Variants in C7orf78 observed in about 807,000 individuals in gnomAD.
C7orf78 encodes the protein putative uncharacterized protein C7orf78.
the C7orf78 span, among the ~76,000 whole-genome samples, chr7:12,526,362 C>CA: frequency 6.6e-6 from 1 of 152,106 alleles, no homozygotes; most frequent in Non-Finnish European, 1.5e-5. Flanking sequence ...AACATACACA[C>CA]ATGCATGCTA....
At chr7:12,532,838 G>A in the C7orf78 span, among the ~76,000 whole-genome samples, 1 of 152,160 alleles carries the variant, frequency 6.6e-6, no homozygotes, top group African/African-American at 2.4e-5. Flanking sequence ...CTATGAGGGA[G>A]TACACAGAGT....
chr7:12,486,248 C>A, the C7orf78 span, among the ~76,000 whole-genome samples: 1 of 151,996 alleles, frequency 6.6e-6, no homozygotes, highest in Non-Finnish European at 1.5e-5. Flanking sequence ...GAACTCCATT[C>A]CATCTAGCAT....
chr7:12,508,087 A>T, the C7orf78 span, among the ~76,000 whole-genome samples: 4 of 152,230 alleles, frequency 2.6e-5, no homozygotes, highest in African/African-American at 9.6e-5. Flanking sequence ...TATGACAACT[A>T]TTAAAAGATA....
chr7:12,512,027 G>C, the C7orf78 span, among the ~76,000 whole-genome samples: 51,439 of 147,034 alleles, frequency 0.35, 9,080 homozygotes, highest in South Asian at 0.43. Context: ...CACCCTCCTT[G>C]GCCTCCCAAA....
At chr7:12,520,083 A>C in the C7orf78 span, among the ~76,000 whole-genome samples, 1 of 152,218 alleles carries the variant, frequency 6.6e-6, no homozygotes, top group African/African-American at 2.4e-5. Context: ...GTGAGGATGT[A>C]AGCCAATGAG....
the C7orf78 span, among the ~76,000 whole-genome samples, chr7:12,503,419 CTGATA>C: frequency 6.6e-6 from 1 of 151,728 alleles, no homozygotes; most frequent in African/African-American, 2.4e-5. Context: ...GGGTAACATT[CTGATA>C]TAATTACTGA....
the C7orf78 span, among the ~76,000 whole-genome samples, chr7:12,503,713 A>G: frequency 1.3e-5 from 2 of 151,962 alleles, no homozygotes; most frequent in Non-Finnish European, 2.9e-5. Context: ...CACCCATTAT[A>G]TTTGAAGTTT....
chr7:12,492,656 T>C, the C7orf78 span, among the ~76,000 whole-genome samples: 1 of 152,164 alleles, frequency 6.6e-6, no homozygotes, highest in African/African-American at 2.4e-5. Flanking sequence ...GTTGAGGAGG[T>C]TGCTGACAGC....
At chr7:12,503,175 T>C in the C7orf78 span, among the ~76,000 whole-genome samples, 1 of 135,050 alleles carries the variant, frequency 7.4e-6, no homozygotes, top group Non-Finnish European at 1.6e-5. Context: ...ATGGCACATG[T>C]ATATGTATGT....
the C7orf78 span, among the ~76,000 whole-genome samples, chr7:12,539,879 C>T: frequency 2.0e-5 from 3 of 152,154 alleles, no homozygotes; most frequent in African/African-American, 7.2e-5. Flanking sequence ...GGGCTCCAGG[C>T]TTCTCATTGT....
chr7:12,491,482 T>TTAA, the C7orf78 span: 1 of 152,168 alleles, frequency 6.6e-6, no homozygotes, highest in Non-Finnish European at 1.5e-5. Flanking sequence ...GATCCCAAAG[T>TTAA]TAATACCTTG....
the C7orf78 span, among the ~76,000 whole-genome samples, chr7:12,511,918 A>ATTTTTTTTTT: frequency 1.9e-4 from 15 of 80,564 alleles, no homozygotes; most frequent in South Asian, 4.8e-4. Context: ...CACCTGGCTA[A>ATTTTTTTTTT]TTTTTTTTTT....
the C7orf78 span, among the ~76,000 whole-genome samples, chr7:12,494,055 A>C: frequency 6.6e-5 from 10 of 152,212 alleles, no homozygotes; most frequent in Non-Finnish European, 1.3e-4. Flanking sequence ...AGCATTTTGG[A>C]ATGCTGTAAA....
the C7orf78 span, among the ~76,000 whole-genome samples, chr7:12,532,798 G>C: frequency 1.3e-5 from 2 of 152,090 alleles, no homozygotes; most frequent in African/African-American, 2.4e-5. Flanking sequence ...AGATGAGAGA[G>C]GCTACTCAGT....
chr7:12,520,346 T>C, the C7orf78 span, among the ~76,000 whole-genome samples: 3 of 152,268 alleles, frequency 2.0e-5, no homozygotes, highest in Admixed American at 2.0e-4. Context: ...ATTCAAGATA[T>C]TTCTAATTTA....
At chr7:12,531,694 G>C in the C7orf78 span, among the ~76,000 whole-genome samples, 15 of 152,096 alleles carry the variant, frequency 9.9e-5, no homozygotes, top group African/African-American at 3.6e-4. Context: ...AGTAATAATA[G>C]TACCAACTTT....
chr7:12,517,020 G>A, the C7orf78 span, among the ~76,000 whole-genome samples: 17 of 152,114 alleles, frequency 1.1e-4, no homozygotes, highest in African/African-American at 3.9e-4. Flanking sequence ...GATTGGTTTT[G>A]AAATGTGAGG....
the C7orf78 span, among the ~76,000 whole-genome samples, chr7:12,511,918 A>ATTTTTTTTTTTTTT: frequency 2.5e-5 from 2 of 80,564 alleles, no homozygotes; most frequent in African/African-American, 1.2e-4. Flanking sequence ...CACCTGGCTA[A>ATTTTTTTTTTTTTT]TTTTTTTTTT....
the C7orf78 span, among the ~76,000 whole-genome samples, chr7:12,497,542 T>C: frequency 1.6e-3 from 241 of 152,236 alleles, 1 homozygote; most frequent in African/African-American, 5.4e-3. Context: ...TAAAAAACGG[T>C]GCACCATGAG....
Sources: allele counts gnomAD v4.1 joint callset (sites outside exome capture counted in the v4.1 genomes callset), GRCh38; gene constraint gnomAD v4.1.1; transcripts MANE v1.5; gene names NCBI Gene and HGNC (gene_info 2026-07-23, HGNC 2026-07-21).